Variants in MCPH1 observed in about 807,000 individuals in gnomAD.
MCPH1 encodes the protein microcephalin 1.
In MCPH1, 104 loss-of-function variants were observed where a neutral mutation model predicts 84.5. The ratio of observed to expected loss-of-function variants is 1.23; its 90% CI spans 1.05 to 1.45. MCPH1 has a LOEUF of 1.45. Ranked by LOEUF, MCPH1 falls within the 40% of genes most tolerant of loss-of-function variation. MCPH1 has a pLI of 0.00. For missense variants in MCPH1, 1,498 were observed against 1,005.7 expected, an observed-to-expected ratio of 1.49 and a Z score of -6.62; for synonymous variants, 514 against 366.8, an observed-to-expected ratio of 1.40 and a Z score of -4.58.
At chr8:6,592,992 C>A (rs1043068424) in intron 12 of MCPH1, among the ~76,000 whole-genome samples, 4 of 151,676 alleles carry the variant, frequency 2.6e-5, no homozygotes, top group African/African-American at 9.7e-5. Context: ...CTTCCCCCTA[C>A]ACCCCAAATA....
intron 9 of MCPH1, among the ~76,000 whole-genome samples, chr8:6,465,737 A>G (rs935427112): frequency 6.6e-6 from 1 of 152,168 alleles, no homozygotes; most frequent in African/African-American, 2.4e-5. Flanking sequence ...GACTCATGTT[A>G]ATAAGTAACA....
intron 12 of MCPH1, among the ~76,000 whole-genome samples, chr8:6,506,779 T>C (rs1813808894): frequency 7.3e-6 from 1 of 137,486 alleles, no homozygotes; most frequent in Non-Finnish European, 1.6e-5. Context: ...AGAGGATTGC[T>C]TTTTTTTTTT....
At chr8:6,606,780 G>T (rs1382851486) in intron 12 of MCPH1, among the ~76,000 whole-genome samples, 1 of 152,180 alleles carries the variant, frequency 6.6e-6, no homozygotes, top group Non-Finnish European at 1.5e-5. Context: ...TTGAATCACA[G>T]GGACAGGTCT....
At chr8:6,518,076 T>A (rs1816621769) in intron 12 of MCPH1, among the ~76,000 whole-genome samples, 1 of 152,162 alleles carries the variant, frequency 6.6e-6, no homozygotes, top group African/African-American at 2.4e-5. Flanking sequence ...TTTCAGTTAT[T>A]CTGGGGGCCA....
chr8:6,415,374 GCCT>G (rs1314088368), intron 3 of MCPH1, among the ~76,000 whole-genome samples: 3 of 150,698 alleles, frequency 2.0e-5, no homozygotes, highest in East Asian at 3.9e-4. Context: ...TGCAGCCTCA[GCCT>G]CCTAGGCTCA....
intron 12 of MCPH1, among the ~76,000 whole-genome samples, chr8:6,512,891 C>T: frequency 6.6e-6 from 1 of 152,222 alleles, no homozygotes; most frequent in East Asian, 1.9e-4. Flanking sequence ...AACCATCCCA[C>T]CTAACTCTGC....
chr8:6,449,319 T>G (rs969261448), intron 8 of MCPH1, among the ~76,000 whole-genome samples: 9 of 152,152 alleles, frequency 5.9e-5, no homozygotes, highest in Non-Finnish European at 1.2e-4. Flanking sequence ...TCCTCAATTG[T>G]GCAGTTAAAT....
At chr8:6,616,643 C>G (rs1830819062) in intron 12 of MCPH1, 1 of 152,284 alleles carries the variant, frequency 6.6e-6, no homozygotes, top group African/African-American at 2.4e-5. Context: ...AGAAAGCCTT[C>G]TGGCTTCTGC....
intron 8 of MCPH1, chr8:6,445,763 A>G (rs1305157655): frequency 1.5e-6 from 2 of 1,350,152 alleles, no homozygotes; most frequent in Non-Finnish European, 9.5e-7. Flanking sequence ...TAAGTCTGTT[A>G]GGAATCTATT....
chr8:6,612,500 G>T (rs964127091), intron 12 of MCPH1, among the ~76,000 whole-genome samples: 1 of 152,066 alleles, frequency 6.6e-6, no homozygotes, highest in African/African-American at 2.4e-5. Context: ...CATCCTCCCC[G>T]ACCCGTGCTC....
At chr8:6,438,362 G>A (rs1286743551) in intron 5 of MCPH1, among the ~76,000 whole-genome samples, 1 of 149,634 alleles carries the variant, frequency 6.7e-6, no homozygotes, top group Non-Finnish European at 1.5e-5. Flanking sequence ...ATGATTCTTG[G>A]TATTTTTTTG....
chr8:6,578,078 G>A (rs922615010), intron 12 of MCPH1, among the ~76,000 whole-genome samples: 4 of 152,202 alleles, frequency 2.6e-5, no homozygotes, highest in Non-Finnish European at 5.9e-5. Flanking sequence ...GATCAGACGT[G>A]TTCTCTTCTT....
At chr8:6,512,250 G>T (rs1815294653) in intron 12 of MCPH1, among the ~76,000 whole-genome samples, 2 of 152,158 alleles carry the variant, frequency 1.3e-5, no homozygotes, top group African/African-American at 2.4e-5. Context: ...AGAGTTTTCA[G>T]TTGGTTGTTC....
intron 12 of MCPH1, among the ~76,000 whole-genome samples, chr8:6,587,228 T>C (rs1034786973): frequency 1.3e-5 from 2 of 152,190 alleles, no homozygotes; most frequent in Admixed American, 6.5e-5. Flanking sequence ...CTCACTGAAG[T>C]CTGGCAAATA....
intron 12 of MCPH1, among the ~76,000 whole-genome samples, chr8:6,539,025 G>A (rs1267235146): frequency 1.3e-5 from 1 of 76,532 alleles, no homozygotes; most frequent in African/African-American, 4.6e-5. Flanking sequence ...TTTTAGAGTT[G>A]GGCTTGTGTG....
chr8:6,519,267 G>A (rs1019690289), intron 12 of MCPH1, among the ~76,000 whole-genome samples: 7 of 152,102 alleles, frequency 4.6e-5, no homozygotes, highest in East Asian at 1.9e-4. Flanking sequence ...CTGTTTTCAC[G>A]ATGCTAAGAC....
At chr8:6,493,955 C>A (rs201868459) in intron 11 of MCPH1, among the ~76,000 whole-genome samples, 1 of 129,890 alleles carries the variant, frequency 7.7e-6, no homozygotes, top group Non-Finnish European at 1.7e-5. Context: ...TTTTTTTTTT[C>A]TTTGAGACAG....
At position 6,442,055 on chromosome 8, in the gene MCPH1, T is replaced by G; in HGVS notation, c.581-12T>G. On this transcript the variant is annotated splice_polypyrimidine_tract_variant and intron_variant, in intron 6 of 13. Coordinates refer to ENST00000344683, the MANE Select transcript of MCPH1 (RefSeq NM_024596.5). ...AACTTTATCTAATGCAGTGTCTTGG[T>G]CCTGTTTTTAGCTTCCCAAATGATT... 3 of 1,595,442 alleles carry G rather than the reference T, an allele frequency of 1.9e-6. No individual in the cohort carries two copies. The highest frequency in any genetic ancestry group is 2.6e-6 in the Non-Finnish European group (3 of 1,163,098).
At chr8:6,502,898 A>C in intron 12 of MCPH1, 1 of 565,076 alleles carries the variant, frequency 1.8e-6, no homozygotes, top group Non-Finnish European at 3.1e-6. Flanking sequence ...ATGGATGTTT[A>C]GGGTCTTGCT....
Sources: allele counts gnomAD v4.1 joint callset (sites outside exome capture counted in the v4.1 genomes callset), GRCh38; gene constraint gnomAD v4.1.1; transcripts MANE v1.5; gene names NCBI Gene and HGNC (gene_info 2026-07-23, HGNC 2026-07-21).